The following FHIT variants were observed in gnomAD, a reference collection of about 807,000 sequenced individuals.
FHIT encodes the protein fragile histidine triad diadenosine triphosphatase.
In FHIT, 19 loss-of-function variants were observed where a neutral mutation model predicts 17.9. The observed-to-expected ratio is 1.06, with a 90% CI of 0.74 to 1.56. The LOEUF (loss-of-function observed/expected upper bound fraction) is 1.56, where lower values mean the gene tolerates loss of function less well. Among genes scored for constraint, FHIT ranks in the 40% most tolerant of loss-of-function variants. The pLI is 0.00. For missense variants in FHIT, 248 were observed against 189.2 expected (o/e 1.31, Z -1.82); for synonymous variants, 81 against 69.7 (o/e 1.16, Z -0.81).
rs528197258 is a variant in FHIT at position 60,410,515 on chromosome 3, A to G, written c.103+126345T>C. On this transcript the variant is annotated intron_variant, in intron 5 of 9. Transcript: ENST00000492590. ...ATTTTAAATATTTTAATTGCCAAAA[A>G]TAAATTTCCAAAGTATTCACAGCAT... Among the ~76,000 whole-genome samples, 888 of 152,298 alleles carry G rather than the reference A, an allele frequency of 5.8e-3. 4 individuals carry two copies. The highest frequency in any genetic ancestry group is 0.01 in the Middle Eastern group (3 of 294).
At chr3:61,159,442 A>T (rs1312927008) in intron 2 of FHIT, among the ~76,000 whole-genome samples, 1 of 152,182 alleles carries the variant, frequency 6.6e-6, no homozygotes, top group Non-Finnish European at 1.5e-5. Context: ...TTCAGTGCAC[A>T]GAAGACTCAA....
At chr3:60,874,381 C>T (rs1704549011) in intron 3 of FHIT, among the ~76,000 whole-genome samples, 1 of 152,082 alleles carries the variant, frequency 6.6e-6, no homozygotes, top group South Asian at 2.1e-4. Context: ...GGGCTAGTGA[C>T]CAAATCCTTC....
At chr3:60,522,993 A>G (rs2035431125) in intron 5 of FHIT, among the ~76,000 whole-genome samples, 1 of 152,202 alleles carries the variant, frequency 6.6e-6, no homozygotes, top group Non-Finnish European at 1.5e-5. Flanking sequence ...CAAAAGGCAC[A>G]TCTTACACGG....
At chr3:60,889,068 C>A (rs1395647656) in intron 3 of FHIT, among the ~76,000 whole-genome samples, 8 of 152,264 alleles carry the variant, frequency 5.3e-5, no homozygotes, top group South Asian at 2.1e-4. Flanking sequence ...AATTCCTACT[C>A]CACCCCAACT....
chr3:60,313,318 A>C (rs538657538), intron 5 of FHIT, among the ~76,000 whole-genome samples: 1 of 152,346 alleles, frequency 6.6e-6, no homozygotes, highest in Non-Finnish European at 1.5e-5. Flanking sequence ...CCAGTTCTCT[A>C]AAATTAGGTG....
chr3:60,782,769 T>C (rs1280335794), intron 4 of FHIT, among the ~76,000 whole-genome samples: 2 of 152,118 alleles, frequency 1.3e-5, no homozygotes, highest in African/African-American at 4.8e-5. Context: ...GCCAGTAGAT[T>C]AAGTGTCTGG....
At chr3:60,783,821 G>A (rs1185467730) in intron 4 of FHIT, among the ~76,000 whole-genome samples, 2 of 152,152 alleles carry the variant, frequency 1.3e-5, no homozygotes, top group African/African-American at 4.8e-5. Context: ...ACAGGCTCTG[G>A]GGAGAGCAAA....
chr3:60,091,535 G>A (rs6766477), intron 5 of FHIT, among the ~76,000 whole-genome samples: 30,587 of 152,024 alleles, frequency 0.2, 3,249 homozygotes, highest in South Asian at 0.24. Flanking sequence ...AGACTGGCAT[G>A]TTTGGTGGGT....
At chr3:60,739,549 A>G (rs1553713479) in intron 4 of FHIT, among the ~76,000 whole-genome samples, 1 of 152,134 alleles carries the variant, frequency 6.6e-6, no homozygotes, top group African/African-American at 2.4e-5. Flanking sequence ...CATCAACACT[A>G]TTGACATTTG....
At chr3:60,393,379 A>T (rs1041824581) in intron 5 of FHIT, among the ~76,000 whole-genome samples, 1 of 150,224 alleles carries the variant, frequency 6.7e-6, no homozygotes, top group Non-Finnish European at 1.5e-5. Context: ...AAAAATATAT[A>T]TATTTTTGTA....
intron 5 of FHIT, among the ~76,000 whole-genome samples, chr3:60,278,324 C>G (rs1707265478): frequency 6.6e-6 from 1 of 152,160 alleles, no homozygotes; most frequent in South Asian, 2.1e-4. Context: ...TTCAGGGAAG[C>G]TATTTTACCA....
intron 5 of FHIT, among the ~76,000 whole-genome samples, chr3:60,262,893 T>G (rs1706376445): frequency 6.6e-6 from 1 of 151,752 alleles, no homozygotes; most frequent in South Asian, 2.1e-4. Context: ...AACAAAGAAC[T>G]TTAGTTCTTT....
At chr3:60,378,592 A>G (rs1461626085) in intron 5 of FHIT, among the ~76,000 whole-genome samples, 1 of 152,236 alleles carries the variant, frequency 6.6e-6, no homozygotes, top group Non-Finnish European at 1.5e-5. Context: ...TAATTTAAGG[A>G]AAGGAAGTAT....
intron 8 of FHIT, among the ~76,000 whole-genome samples, chr3:59,815,899 A>G (rs907855150): frequency 6.6e-6 from 1 of 152,082 alleles, no homozygotes; most frequent in African/African-American, 2.4e-5. Flanking sequence ...TAAAAAAAAA[A>G]TTTAAATCAG....
chr3:60,522,687 A>C (rs1377242918), intron 5 of FHIT, among the ~76,000 whole-genome samples: 1 of 152,190 alleles, frequency 6.6e-6, no homozygotes, highest in African/African-American at 2.4e-5. Context: ...TGTCAATTAC[A>C]TATTCTGGCA....
At chr3:60,339,217 T>G (rs1436895379) in intron 5 of FHIT, among the ~76,000 whole-genome samples, 2 of 152,158 alleles carry the variant, frequency 1.3e-5, no homozygotes, top group Admixed American at 1.3e-4. Flanking sequence ...CAATTTTTCT[T>G]TCCTTTTTTT....
chr3:60,965,850 C>A (rs185653936), intron 3 of FHIT, among the ~76,000 whole-genome samples: 78 of 152,318 alleles, frequency 5.1e-4, no homozygotes, highest in African/African-American at 1.9e-3. Context: ...TCGGCCCCTA[C>A]TGGGAGGTAT....
rs150031042 is a variant in FHIT at position 61,049,678 on chromosome 3, C to G, written c.-163-7579G>C. 2.5e-3 allele frequency among the ~76,000 whole-genome samples: 374 copies of G among 152,258 alleles called. 3 individuals are homozygous for G. Among genetic ancestry groups the G allele is most frequent in the African/African-American group, 8.3e-3 (346 of 41,566 alleles). ...TCTCTATAAAATCTAGCCAAGACTC[C>G]AGACTAAATACCAGGTTATAGTGGT... On this transcript the variant is annotated intron_variant, in intron 2 of 9. Coordinates refer to ENST00000492590, the MANE Select transcript of FHIT (RefSeq NM_002012.4).
intron 5 of FHIT, among the ~76,000 whole-genome samples, chr3:60,233,148 ATATCT>A (rs1559748411): frequency 1.3e-5 from 2 of 152,166 alleles, no homozygotes. Context: ...TTCTATTTTC[ATATCT>A]TATAACATTT....
Sources: gnomAD v4.1 joint callset for allele counts (sites outside exome capture counted in the v4.1 genomes callset) on GRCh38, gnomAD v4.1.1 for gene constraint, MANE v1.5 for transcripts, NCBI Gene and HGNC (gene_info 2026-07-23, HGNC 2026-07-21) for gene names.